The following KIF13B variants were observed in gnomAD, a reference collection of about 807,000 sequenced individuals.
The protein encoded by KIF13B is kinesin family member 13B.
Under a neutral mutation model 222.0 loss-of-function variants are expected in KIF13B, and 127 were observed. That is an observed-to-expected ratio of 0.57 (90% CI 0.50 to 0.66). The LOEUF is 0.66. Among genes scored for constraint, KIF13B ranks in the 30% least tolerant of loss-of-function variants. The probability of loss-of-function intolerance (pLI) is 0.00; values close to 1 mark genes in which losing one functional copy is unlikely to be tolerated. For missense variants in KIF13B, 2,173 were observed against 2,379.0 expected, an observed-to-expected ratio of 0.91 and a Z score of 1.80; for synonymous variants, 976 against 919.0, an observed-to-expected ratio of 1.06 and a Z score of -1.12.
intron 22 of KIF13B, 70 bp downstream of exon 22, chr8:29,133,970 A>G: frequency 7.0e-7 from 1 of 1,427,840 alleles, no homozygotes; most frequent in Non-Finnish European, 9.6e-7. Flanking sequence ...TCAAAGAAAC[A>G]AGGTTCATTT....
intron 2 of KIF13B, among the ~76,000 whole-genome samples, chr8:29,241,065 C>A (rs1198287807): frequency 1.3e-5 from 2 of 152,158 alleles, no homozygotes; most frequent in African/African-American, 4.8e-5. Flanking sequence ...TGCCCATCAA[C>A]TGATGAATGG....
chr8:29,253,567 A>C (rs921081797), intron 1 of KIF13B, among the ~76,000 whole-genome samples: 2 of 152,046 alleles, frequency 1.3e-5, no homozygotes, highest in Non-Finnish European at 2.9e-5. Flanking sequence ...AAACAAATAA[A>C]CAGTTTAAAA....
intron 37 of KIF13B, among the ~76,000 whole-genome samples, chr8:29,084,424 C>T (rs1270888608): frequency 6.6e-6 from 1 of 152,154 alleles, no homozygotes; most frequent in African/African-American, 2.4e-5. Flanking sequence ...GACACCTTTT[C>T]AATTAGCATC....
At chr8:29,218,462 A>G (rs1439048163) in intron 2 of KIF13B, among the ~76,000 whole-genome samples, 1 of 152,222 alleles carries the variant, frequency 6.6e-6, no homozygotes, top group Non-Finnish European at 1.5e-5. Context: ...AGAAACCATG[A>G]GCTAAAAATT....
At chr8:29,251,809 A>T (rs1383830443) in intron 1 of KIF13B, among the ~76,000 whole-genome samples, 2 of 152,254 alleles carry the variant, frequency 1.3e-5, no homozygotes, top group Admixed American at 6.5e-5. Flanking sequence ...CAATACTATT[A>T]TAAGTAACAC....
chr8:29,129,231 T>C (rs1563725345), intron 24 of KIF13B, among the ~76,000 whole-genome samples: 1 of 152,202 alleles, frequency 6.6e-6, no homozygotes, highest in Admixed American at 6.5e-5. Context: ...TACTTAAATA[T>C]CCAATTTACA....
At chr8:29,108,473 G>A (rs923580425) in intron 34 of KIF13B, among the ~76,000 whole-genome samples, 3 of 152,242 alleles carry the variant, frequency 2.0e-5, no homozygotes, top group African/African-American at 7.2e-5. Context: ...CGCGTTGGGT[G>A]AGCCCTTCTG....
At position 29,071,897 on chromosome 8, in the gene KIF13B, G is replaced by A. The variant is rs1457727255; in HGVS notation, c.4941C>T (p.Arg1647=). The change falls in exon 39 of 40, where the codon CGC becomes CGT. Residue 1647 remains arginine, a synonymous_variant. Transcript: ENST00000524189. This position sits in a 1 kb window ranked among gnomAD's most constrained non-coding sequence, Gnocchi z 4.9. The part of the protein sequence containing the change: ...LEAPAPGSPF[R]VRRVRASELR... ...ACTCCGAGGCCCGCACCCTCCGGAC[G>A]CGGAACGGGGAGCCGGGCGCCGGGG... The A allele has an allele frequency of 2.0e-6, 3 of 1,474,382 alleles. No individual in the cohort carries two copies. The highest frequency in any genetic ancestry group is 2.6e-5 in the South Asian group (2 of 75,618). The allele number at this position is 1,474,382 out of a possible 1,614,324, so 91.3% of individuals were successfully genotyped here. A position where few individuals can be genotyped will look rare whatever the true frequency, so the allele number is the denominator to read the frequency against.
At chr8:29,074,652 C>A (rs1807469359) in intron 38 of KIF13B, among the ~76,000 whole-genome samples, 1 of 152,248 alleles carries the variant, frequency 6.6e-6, no homozygotes, top group Non-Finnish European at 1.5e-5. Context: ...CCGATCCCGG[C>A]CACAGCAAAT....
Position 29,177,554 on chromosome 8 carries a change from G to A in KIF13B, c.745C>T (p.Leu249Phe). ...CTGCCAGCTAAATCCACCAGGCTGA[G>A]TTTGCCCACTTTCTCTCCAGATGTC... is the stretch of plus-strand genomic sequence containing the variant. ...SGTSGEKVGK[L>F]SLVDLAGSER... Residue 249 changes from leucine (L) to phenylalanine (F), a missense_variant, in exon 9 of 40, where the codon CTC (leucine) becomes TTC (phenylalanine). By Grantham distance (22) the Leu-to-Phe change is conservative. This residue lies in a region of KIF13B where 1,480 missense variants were observed against 1,722.8 expected (regional missense o/e 0.86). Transcript: ENST00000524189. The A allele has an allele frequency of 3.7e-6, 6 of 1,613,412 alleles. No individual in the cohort carries two copies. Among genetic ancestry groups the A allele is most frequent in the Non-Finnish European group, 4.2e-6 (5 of 1,179,406 alleles).
intron 1 of KIF13B, among the ~76,000 whole-genome samples, chr8:29,248,947 G>A (rs1227510627): frequency 1.3e-5 from 2 of 152,142 alleles, no homozygotes; most frequent in Admixed American, 6.6e-5. Flanking sequence ...TTGTGCTGAT[G>A]GCTGTACAAC....
chr8:29,142,352 A>C (rs1170496720), intron 18 of KIF13B, 49 bp from the exon 19 acceptor site: 2 of 1,546,752 alleles, frequency 1.3e-6, no homozygotes, highest in Admixed American at 3.9e-5. Flanking sequence ...GCAGCGGGGA[A>C]GTCAAAGCTG....
intron 1 of KIF13B, among the ~76,000 whole-genome samples, chr8:29,255,250 G>A (rs1816432782): frequency 1.3e-5 from 2 of 152,146 alleles, no homozygotes; most frequent in African/African-American, 2.4e-5. Context: ...CTAAAACCCA[G>A]TGAATGGTAC....
rs777904073 is a variant in KIF13B at position 29,075,341 on chromosome 8, G to A, written c.4461C>T (p.Pro1487=). 10 of 1,557,464 alleles carry A rather than the reference G, an allele frequency of 6.4e-6. No homozygotes were observed. Among genetic ancestry groups the A allele is most frequent in the Middle Eastern group, 1.7e-4 (1 of 5,818 alleles). The stretch of plus-strand genomic sequence containing the variant: ...CTGACTGCACCATGATGCGGGGCAC[G>A]GGCTGAGGAGGCAAGTGTGCAGGTC... The part of the protein sequence containing the change: ...GKRPSPLAHQ[P]VPRIMVQSAS... Residue 1487 remains proline (P), a splice_region_variant and synonymous_variant, in exon 38 of 40, where the codon CCC becomes CCT. Coordinates refer to ENST00000524189, the MANE Select transcript of KIF13B (RefSeq NM_015254.4).
Position 29,222,515 on chromosome 8 carries a change from C to CTTTTTTTTTTT in KIF13B, c.149+22820_149+22830dup, listed in dbSNP as rs58488862. 3.0e-4 allele frequency among the ~76,000 whole-genome samples: 18 copies of CTTTTTTTTTTT among 60,592 alleles called. 3 individuals carry two copies. Among genetic ancestry groups the CTTTTTTTTTTT allele is most frequent in the East Asian group, 2.1e-3 (2 of 950 alleles). The allele number at this position is 60,592 out of a possible 152,430, so 39.8% of individuals were successfully genotyped here. ...TCCTGAGCTCAAGTCCCACACCTGA[C>CTTTTTTTTTTT]TTTTTTTTTTTTTTTTTTTTTTTTT... is the stretch of plus-strand genomic sequence containing the variant. On this transcript the variant is annotated intron_variant, in intron 2 of 39. Transcript: ENST00000524189.
In KIF13B at chr8:29,140,051, G is replaced by A; in HGVS notation, c.2613+12C>T. 6.4e-7 allele frequency: 1 copy of A among 1,568,282 alleles called. No individual in the cohort carries two copies. Among genetic ancestry groups the A allele is most frequent in the African/African-American group, 1.4e-5 (1 of 73,668 alleles). ...TGTATCAACGTAATACTAGGATGAA[G>A]CTGGGACTTACCATGCACACCAGTT... On this transcript the variant is annotated intron_variant, in intron 21 of 39. Coordinates refer to ENST00000524189, the MANE Select transcript of KIF13B (RefSeq NM_015254.4).
chr8:29,077,720 GTAGA>G (rs1807628772), intron 37 of KIF13B, among the ~76,000 whole-genome samples: 1 of 152,230 alleles, frequency 6.6e-6, no homozygotes, highest in African/African-American at 2.4e-5. Flanking sequence ...GAAAAACCCA[GTAGA>G]TAGATGCTTA....
intron 2 of KIF13B, among the ~76,000 whole-genome samples, chr8:29,237,827 T>C (rs537163067): frequency 6.6e-6 from 1 of 152,208 alleles, no homozygotes. Context: ...AGAGTCTCCC[T>C]GATTCATCTT....
chr8:29,127,254 T>C lies in KIF13B; in HGVS notation c.3090A>G (p.Arg1030=). ...GCACTGACTTCACTTCGACTTGAAC[T>C]CTCCGGGACTGCCCCTGGGTCACAG... is the stretch of plus-strand genomic sequence containing the variant. ...IFQLRQGQSR[R]VQVEVKSVQE... is the part of the protein sequence containing the mutation. Residue 1030 remains arginine, a synonymous_variant, in exon 25 of 40, where the codon AGA becomes AGG. Transcript: ENST00000524189. 1 of 1,613,722 alleles carries C rather than the reference T, an allele frequency of 6.2e-7. No individual in the cohort carries two copies. Among genetic ancestry groups the C allele is most frequent in the Non-Finnish European group, 8.5e-7 (1 of 1,179,788 alleles).
Sources: gnomAD v4.1 joint callset for allele counts (sites outside exome capture counted in the v4.1 genomes callset) on GRCh38, gnomAD v4.1.1 for gene constraint, gnomAD v4.1.1 regional missense constraint, Gnocchi (gnomAD v3.1) non-coding constraint, MANE v1.5 for transcripts, NCBI Gene and HGNC (gene_info 2026-07-23, HGNC 2026-07-21) for gene names.